GNAQ: variants seen among roughly 807,000 people sequenced by gnomAD.
GNAQ encodes G protein subunit alpha q, also known as guanine nucleotide-binding protein G(q) subunit alpha.
A neutral mutation model predicts 43.9 loss-of-function variants in GNAQ; 8 were observed. That is an observed-to-expected ratio of 0.18 (90% CI 0.11 to 0.33). GNAQ has a LOEUF of 0.33. GNAQ is among the 10% of genes least tolerant of loss of function. The probability of loss-of-function intolerance (pLI) is 1.00; values close to 1 mark genes in which losing one functional copy is unlikely to be tolerated. For synonymous variants in GNAQ, 155 were observed against 170.7 expected (o/e 0.91, Z 0.71); for missense variants, 158 against 450.8 (o/e 0.35, Z 5.88).
At position 77,843,052 on chromosome 9, in the gene GNAQ, T is replaced by C. The variant is rs572861597; in HGVS notation, c.322-27282A>G. On this transcript the variant is annotated intron_variant, in intron 2 of 6. Transcript: ENST00000286548. The stretch of plus-strand genomic sequence containing the variant: ...ACAGACTAAGGTATGCGTAATCTGA[T>C]TGTATTTTATTTAATGCATTATTGC... 1.2e-4 allele frequency among the ~76,000 whole-genome samples: 18 copies of C among 152,324 alleles called. 1 individual carries two copies. Among genetic ancestry groups the C allele is most frequent in the African/African-American group, 4.3e-4 (18 of 41,582 alleles).
intron 2 of GNAQ, among the ~76,000 whole-genome samples, chr9:77,915,953 A>C (rs1828895720): frequency 6.6e-6 from 1 of 152,168 alleles, no homozygotes; most frequent in Non-Finnish European, 1.5e-5. Flanking sequence ...AGGGGCTGTC[A>C]ATCATATTGT....
chr9:77,813,834 G>C (rs1345699581), intron 3 of GNAQ, among the ~76,000 whole-genome samples: 3 of 152,090 alleles, frequency 2.0e-5, no homozygotes, highest in Non-Finnish European at 4.4e-5. Flanking sequence ...GAAACTAAAA[G>C]TTAAAAGATA....
At chr9:78,010,857 A>G (rs967487888) in intron 1 of GNAQ, among the ~76,000 whole-genome samples, 4 of 152,156 alleles carry the variant, frequency 2.6e-5, no homozygotes, top group African/African-American at 9.7e-5. Flanking sequence ...AGACTCCCTT[A>G]TGTCCCCCAA....
chr9:77,933,888 C>A (rs1336991111), intron 1 of GNAQ, among the ~76,000 whole-genome samples: 1 of 152,120 alleles, frequency 6.6e-6, no homozygotes, highest in Non-Finnish European at 1.5e-5. Flanking sequence ...AAATTGCACA[C>A]TTTAAAAATG....
chr9:77,918,691 CATTT>C (rs1564151586), intron 2 of GNAQ, among the ~76,000 whole-genome samples: 1 of 152,090 alleles, frequency 6.6e-6, no homozygotes, highest in African/African-American at 2.4e-5. Context: ...TTCTTCTGAT[CATTT>C]ATTATAGCCA....
chr9:77,943,621 GA>G (rs1171993533), intron 1 of GNAQ, among the ~76,000 whole-genome samples: 3 of 141,926 alleles, frequency 2.1e-5, no homozygotes, highest in South Asian at 2.2e-4. Context: ...ACACAAATTG[GA>G]AAAAAAAATA....
At chr9:77,799,527 A>T (rs564746770) in intron 3 of GNAQ, among the ~76,000 whole-genome samples, 1 of 152,308 alleles carries the variant, frequency 6.6e-6, no homozygotes, top group South Asian at 2.1e-4. Flanking sequence ...ATTTAGTTTT[A>T]GCATTATTTA....
chr9:78,010,737 A>C (rs771333120), intron 1 of GNAQ, among the ~76,000 whole-genome samples: 13 of 152,148 alleles, frequency 8.5e-5, no homozygotes, highest in Non-Finnish European at 1.8e-4. Context: ...CGGACCTATC[A>C]ACCAGAAGTA....
chr9:77,933,869 C>T (rs1224234763), intron 1 of GNAQ, among the ~76,000 whole-genome samples: 1 of 152,080 alleles, frequency 6.6e-6, no homozygotes, highest in Non-Finnish European at 1.5e-5. Context: ...TTAGGTCACA[C>T]ATAAAGATAA....
chr9:77,856,621 T>C (rs1034225514), intron 2 of GNAQ, among the ~76,000 whole-genome samples: 5 of 152,158 alleles, frequency 3.3e-5, no homozygotes, highest in Admixed American at 2.6e-4. Context: ...AATTTCAACA[T>C]GACTATAGCA....
At chr9:77,871,195 C>T (rs1828034580) in intron 2 of GNAQ, among the ~76,000 whole-genome samples, 1 of 152,138 alleles carries the variant, frequency 6.6e-6, no homozygotes, top group Admixed American at 6.6e-5. Context: ...CACATGATAG[C>T]TAAGGAAACT....
rs185041458 is a variant in GNAQ at position 77,717,333 on chromosome 9, C to T, written c.*3990G>A. On this transcript the variant is annotated 3_prime_UTR_variant, in exon 7 of 7. Coordinates refer to ENST00000286548, the MANE Select transcript of GNAQ (RefSeq NM_002072.5). ...TGAAGAAGAGCAGCAATATACATTA[C>T]AATATTTGGGTACACTTTATTTTTA... The T allele has an allele frequency of 4.1e-4, 95 of 232,344 alleles. No homozygotes were observed. The highest frequency in any genetic ancestry group is 1.4e-3 in the Admixed American group (24 of 17,762). 14.4% of individuals were successfully genotyped at this position (232,344 alleles called of 1,614,324 possible).
chr9:77,920,132 T>A (rs1183162032), intron 2 of GNAQ, among the ~76,000 whole-genome samples: 1 of 151,342 alleles, frequency 6.6e-6, no homozygotes, highest in Non-Finnish European at 1.5e-5. Context: ...AGCAAGACTC[T>A]GTCTCAAAAA....
At chr9:77,874,304 T>G (rs1479952103) in intron 2 of GNAQ, among the ~76,000 whole-genome samples, 2 of 152,096 alleles carry the variant, frequency 1.3e-5, no homozygotes, top group African/African-American at 4.8e-5. Flanking sequence ...TGGTCCAACT[T>G]GTCTTCTATG....
chr9:78,013,942 T>C (rs11145654), intron 1 of GNAQ, among the ~76,000 whole-genome samples: 44,297 of 151,974 alleles, frequency 0.29, 6,624 homozygotes, highest in South Asian at 0.44. Flanking sequence ...CTGATGATCC[T>C]TGGTATAGGT....
In GNAQ at chr9:77,794,562, C is replaced by T; in HGVS notation, c.636G>A (p.Glu212=). ...CAAAGCAGTGTATCCATTTTCTTCT[C>T]TCTGACCTTTGGCCCCCTACATCGA... ...RMVDVGGQRS[E]RRKWIHCFEN... Residue 212 remains glutamate, a synonymous_variant, in exon 5 of 7, where the codon GAG becomes GAA. Transcript: ENST00000286548. 6.2e-7 allele frequency: 1 copy of T among 1,608,660 alleles called. No individual in the cohort carries two copies. Among genetic ancestry groups the T allele is most frequent in the Non-Finnish European group, 8.5e-7 (1 of 1,175,714 alleles).
At chr9:77,870,889 C>G (rs1414476270) in intron 2 of GNAQ, among the ~76,000 whole-genome samples, 2 of 151,956 alleles carry the variant, frequency 1.3e-5, no homozygotes, top group East Asian at 1.9e-4. Flanking sequence ...CTATGAGATT[C>G]CATTCCTATG....
chr9:77,771,184 C>T (rs1020622598), intron 5 of GNAQ, among the ~76,000 whole-genome samples: 2 of 152,124 alleles, frequency 1.3e-5, no homozygotes, highest in Non-Finnish European at 2.9e-5. Context: ...TCTATGCTAT[C>T]TCTTTCCTTT....
intron 2 of GNAQ, among the ~76,000 whole-genome samples, chr9:77,878,311 G>A (rs1828158375): frequency 6.6e-6 from 1 of 151,334 alleles, no homozygotes; most frequent in African/African-American, 2.4e-5. Context: ...AGGGAAAATG[G>A]CCCAGGGTAA....
Sources: allele counts gnomAD v4.1 joint callset (sites outside exome capture counted in the v4.1 genomes callset), GRCh38; gene constraint gnomAD v4.1.1; transcripts MANE v1.5; gene names NCBI Gene and HGNC (gene_info 2026-07-23, HGNC 2026-07-21).